LGR5: variants seen among roughly 807,000 people sequenced by gnomAD.
The protein encoded by LGR5 is leucine rich repeat containing G protein-coupled receptor 5.
A neutral mutation model predicts 76.7 loss-of-function variants in LGR5; 54 were observed. The observed-to-expected ratio is 0.70, with a 90% CI of 0.57 to 0.88. The LOEUF is 0.88. Ranked by LOEUF, LGR5 falls within the 40% of genes least tolerant of loss-of-function variation. The pLI, the probability that LGR5 is intolerant of heterozygous loss-of-function variation, is 0.00. For missense variants in LGR5, 1,078 were observed against 1,073.3 expected, an observed-to-expected ratio of 1.00 and a Z score of -0.06; for synonymous variants, 406 against 421.9, an observed-to-expected ratio of 0.96 and a Z score of 0.46.
At position 71,564,585 on chromosome 12, in the gene LGR5, G is replaced by A. The variant is rs371401505; in HGVS notation, c.858-1819G>A. Among the ~76,000 whole-genome samples the A allele has an allele frequency of 4.2e-4, 57 of 134,908 alleles. No individual in the cohort carries two copies. The East Asian group carries it at 6.2e-3, about 15-fold the overall frequency. 88.5% of individuals were successfully genotyped at this position (134,908 alleles called of 152,430 possible). On this transcript the variant is annotated intron_variant, in intron 8 of 17. Coordinates refer to ENST00000266674, the MANE Select transcript of LGR5 (RefSeq NM_003667.4). The stretch of plus-strand genomic sequence containing the variant: ...GCACCGTGTATATATGCATATATAC[G>A]TATCTGTACACACGCACCGTGTATA...
In LGR5 at chr12:71,440,003, C is replaced by A. The variant is rs1010293944; in HGVS notation, c.-78C>A. ...AGTTGCAGAAGCCCACGGAGCGGCG[C>A]CCGGCGCGCCACGGCCCGTAGCAGT... On this transcript the variant is annotated 5_prime_UTR_variant, in exon 1 of 18. Transcript: ENST00000266674. The surrounding 1 kb of genome is among the most constrained non-coding windows in gnomAD (Gnocchi z 5.3). 1.8e-5 allele frequency: 26 copies of A among 1,424,956 alleles called. No homozygotes were observed. Among genetic ancestry groups the A allele is most frequent in the Non-Finnish European group, 2.5e-5 (26 of 1,036,722 alleles). The allele number at this position is 1,424,956 out of a possible 1,614,324, so 88.3% of individuals were successfully genotyped here.
chr12:71,583,334 G>A (rs963293618), intron 17 of LGR5: 1 of 290,118 alleles, frequency 3.4e-6, no homozygotes, highest in Non-Finnish European at 6.4e-6. Flanking sequence ...AAGTCCAGGA[G>A]ATCTGGCTTT....
At chr12:71,549,715 G>A (rs1349540433) in intron 4 of LGR5, among the ~76,000 whole-genome samples, 1 of 152,138 alleles carries the variant, frequency 6.6e-6, no homozygotes, top group Non-Finnish European at 1.5e-5. Context: ...TTTAGAAGGA[G>A]TATCATTTAT....
chr12:71,518,099 T>C (rs1875534270), intron 2 of LGR5, among the ~76,000 whole-genome samples: 1 of 152,212 alleles, frequency 6.6e-6, no homozygotes, highest in Non-Finnish European at 1.5e-5. Flanking sequence ...TTGAAAATTT[T>C]GGCAAACTAT....
At position 71,523,370 on chromosome 12, in the gene LGR5, G is replaced by T. The variant is rs1402641924; in HGVS notation, c.285-1036G>T. On this transcript the variant is annotated intron_variant, in intron 2 of 17. Transcript: ENST00000266674. ...TCTCCATCATAGTACCCAGCAGGGG[G>T]CTGGGTACTATGGCACACCCCTGTA... Among the ~76,000 whole-genome samples the T allele has an allele frequency of 3.3e-5, 5 of 152,094 alleles. No individual in the cohort carries two copies. In the East Asian group the frequency reaches 9.6e-4, roughly 29 times the overall value.
At chr12:71,532,055 G>A (rs1450854810) in intron 3 of LGR5, among the ~76,000 whole-genome samples, 2 of 152,110 alleles carry the variant, frequency 1.3e-5, no homozygotes, top group African/African-American at 4.8e-5. Context: ...TGTTTGGTTA[G>A]TAAGGCAAAG....
At chr12:71,519,739 T>C (rs562018712) in intron 2 of LGR5, among the ~76,000 whole-genome samples, 33 of 152,094 alleles carry the variant, frequency 2.2e-4, no homozygotes, top group African/African-American at 7.9e-4. Context: ...GGCAGGAAGA[T>C]TGCTTGAGCT....
chr12:71,566,495 A>G lies in LGR5; in HGVS notation c.929+20A>G. 1 of 1,575,570 alleles carries G rather than the reference A, an allele frequency of 6.3e-7. No homozygotes were observed. The highest frequency in any genetic ancestry group is 8.7e-7 in the Non-Finnish European group (1 of 1,145,502). On this transcript the variant is annotated intron_variant, in intron 9 of 17. Transcript: ENST00000266674. Reference sequence around the variant, plus strand: ...AACACTGTAAGTTTCTATGTCTCTTATGGATCACTTTCCCTCTACAGGGTT... The same window carrying G: ...AACACTGTAAGTTTCTATGTCTCTTGTGGATCACTTTCCCTCTACAGGGTT...
At chr12:71,471,139 C>T (rs1242594639) in intron 1 of LGR5, among the ~76,000 whole-genome samples, 2 of 151,990 alleles carry the variant, frequency 1.3e-5, no homozygotes, top group East Asian at 1.9e-4. Context: ...ATCAGAGCTA[C>T]CTAATAATCA....
chr12:71,458,191 T>C (rs1872561987), intron 1 of LGR5, among the ~76,000 whole-genome samples: 1 of 152,178 alleles, frequency 6.6e-6, no homozygotes, highest in Non-Finnish European at 1.5e-5. Flanking sequence ...GTAGTAGATA[T>C]GGTATCTGTA....
rs1246854307 is a variant in LGR5, at chr12:71,440,534, G to A, written c.212+242G>A. 1.3e-5 allele frequency among the ~76,000 whole-genome samples: 2 copies of A among 152,238 alleles called. No individual in the cohort carries two copies. The highest frequency in any genetic ancestry group is 2.4e-5 in the African/African-American group (1 of 41,474). On this transcript the variant is annotated intron_variant, in intron 1 of 17. Transcript: ENST00000266674. The surrounding 1 kb of genome is among the most constrained non-coding windows in gnomAD (Gnocchi z 5.3). ...TTCGAGTGCAACCCGGGAAAGCGCTGCTGCGCCGCAGCTTCCCAGTCCAGC... is the reference window on the plus strand; with the variant it reads ...TTCGAGTGCAACCCGGGAAAGCGCTACTGCGCCGCAGCTTCCCAGTCCAGC...
intron 1 of LGR5, among the ~76,000 whole-genome samples, chr12:71,481,531 A>G (rs981521902): frequency 1.3e-5 from 2 of 152,104 alleles, no homozygotes; most frequent in Non-Finnish European, 1.5e-5. Flanking sequence ...AGTCTTTGTT[A>G]TTGTGAATAG....
intron 15 of LGR5, among the ~76,000 whole-genome samples, chr12:71,579,646 A>G (rs1879007358): frequency 6.6e-6 from 1 of 152,236 alleles, no homozygotes; most frequent in Non-Finnish European, 1.5e-5. Flanking sequence ...AGTTACAAAC[A>G]ATCCAATTAC....
intron 1 of LGR5, among the ~76,000 whole-genome samples, chr12:71,455,498 T>TA (rs1428247461): frequency 6.6e-6 from 1 of 152,180 alleles, no homozygotes; most frequent in Admixed American, 6.5e-5. Flanking sequence ...GAGCATTATT[T>TA]AAAATGACTT....
chr12:71,502,353 A>G (rs909246379), intron 1 of LGR5, among the ~76,000 whole-genome samples: 1 of 151,980 alleles, frequency 6.6e-6, no homozygotes, highest in African/African-American at 2.4e-5. Context: ...GCCCACCACC[A>G]TGCCCGGCTA....
chr12:71,539,912 A>G (rs1876791012), intron 4 of LGR5, among the ~76,000 whole-genome samples: 1 of 152,238 alleles, frequency 6.6e-6, no homozygotes, highest in South Asian at 2.1e-4. Flanking sequence ...CTGACATGGC[A>G]ATGACTTCCC....
chr12:71,544,146 G>C (rs1169755951), intron 4 of LGR5, among the ~76,000 whole-genome samples: 2 of 152,042 alleles, frequency 1.3e-5, no homozygotes, highest in Admixed American at 1.3e-4. Context: ...GGTTCCTTTA[G>C]ACATTTCATC....
Position 71,491,029 on chromosome 12 carries a change from G to A in LGR5, c.213-13585G>A, listed in dbSNP as rs527365213. On this transcript the variant is annotated intron_variant, in intron 1 of 17. Coordinates refer to ENST00000266674, the MANE Select transcript of LGR5 (RefSeq NM_003667.4). ...TTTCCAATGCTGTTCTCCTGATAGC[G>A]AATAAGAGATCTGATCGTTTTATAA... 5.9e-5 allele frequency among the ~76,000 whole-genome samples: 9 copies of A among 152,224 alleles called. No individual in the cohort carries two copies. In the South Asian group the frequency reaches 1.0e-3, roughly 18 times the overall value.
intron 1 of LGR5, among the ~76,000 whole-genome samples, chr12:71,482,100 A>G (rs1873633843): frequency 6.6e-6 from 1 of 152,236 alleles, no homozygotes; most frequent in African/African-American, 2.4e-5. Context: ...AGGGAAAAAA[A>G]GTCATTAGAA....
Sources: gnomAD v4.1 joint callset for allele counts (sites outside exome capture counted in the v4.1 genomes callset) on GRCh38, gnomAD v4.1.1 for gene constraint, Gnocchi (gnomAD v3.1) non-coding constraint, MANE v1.5 for transcripts, NCBI Gene and HGNC (gene_info 2026-07-23, HGNC 2026-07-21) for gene names.